KCTD1: variants seen among roughly 807,000 people sequenced by gnomAD.
KCTD1 encodes the protein BTB/POZ domain-containing protein KCTD1.
In KCTD1, 24 loss-of-function variants were observed where a neutral mutation model predicts 66.0. That is an observed-to-expected ratio of 0.36 (90% confidence interval 0.26 to 0.51). The LOEUF (loss-of-function observed/expected upper bound fraction) is 0.51. Among genes scored for constraint, KCTD1 ranks in the 20% least tolerant of loss-of-function variants. KCTD1 has a pLI of 0.95. For synonymous variants in KCTD1, 511 were observed against 517.2 expected (o/e 0.99, Z 0.16); for missense variants, 943 against 1,205.2 (o/e 0.78, Z 3.22).
chr18:26,573,579 GA>G (rs1392071888), intron 1 of KCTD1, among the ~76,000 whole-genome samples: 6 of 152,166 alleles, frequency 3.9e-5, no homozygotes, highest in Non-Finnish European at 8.8e-5. Context: ...GTTATCTCTG[GA>G]ATCACCATGA....
At position 26,543,892 on chromosome 18, in the gene KCTD1, T is replaced by G. The variant is rs111253379; in HGVS notation, c.1809+2836A>C. 590 of 152,362 alleles carry G rather than the reference T, an allele frequency of 3.9e-3. 5 individuals carry two copies. Among genetic ancestry groups the G allele is most frequent in the African/African-American group, 0.014 (569 of 41,586 alleles). The allele number at this position is 152,362 out of a possible 1,614,324, so 9.4% of individuals were successfully genotyped here. A position where few individuals can be genotyped will look rare whatever the true frequency, so the allele number is the denominator to read the frequency against. On this transcript the variant is annotated intron_variant, in intron 1 of 4. Coordinates refer to ENST00000580059, the MANE Select transcript of KCTD1 (RefSeq NM_001142730.3). ...ACATTCAGAATCTAAACTTTATTAG[T>G]ATTTTCTCCTCTGAGAATGATAAAG...
rs1170195861 is a variant in KCTD1 at position 26,537,670 on chromosome 18, AAC to A, written c.1809+9056_1809+9057del. Among the ~76,000 whole-genome samples, 11 of 152,392 alleles carry A rather than the reference AAC, an allele frequency of 7.2e-5. No individual in the cohort carries two copies. In the East Asian group the frequency reaches 2.1e-3, roughly 29 times the overall value. ...TGCATTAGGGAAACGTAAACATCATAACACAGGCTCTAGCCAAATATAGACCC... is the reference window on the plus strand; with the variant it reads ...TGCATTAGGGAAACGTAAACATCATAACAGGCTCTAGCCAAATATAGACCC... On this transcript the variant is annotated intron_variant, in intron 1 of 4. Coordinates refer to ENST00000580059, the MANE Select transcript of KCTD1 (RefSeq NM_001142730.3).
At chr18:26,656,955 G>A (rs1262739112) in intron 1 of KCTD1, among the ~76,000 whole-genome samples, 1 of 149,744 alleles carries the variant, frequency 6.7e-6, no homozygotes, top group Non-Finnish European at 1.5e-5. Flanking sequence ...GGAGGCTGGC[G>A]CGCGGAGCGG....
intron 3 of KCTD1, among the ~76,000 whole-genome samples, chr18:26,472,819 C>T (rs1981140703): frequency 6.6e-6 from 1 of 152,226 alleles, no homozygotes; most frequent in Non-Finnish European, 1.5e-5. Flanking sequence ...AGTCCTGGTT[C>T]TCTCCCTAGG....
At position 26,455,225 on chromosome 18, in the gene KCTD1, C is replaced by A. The variant is rs1979988696; in HGVS notation, c.*518G>T. The A allele has an allele frequency of 6.5e-6, 1 of 152,672 alleles. No individual in the cohort carries two copies. The highest frequency in any genetic ancestry group is 1.5e-5 in the Non-Finnish European group (1 of 68,168). The allele number at this position is 152,672 out of a possible 1,614,324, so 9.5% of individuals were successfully genotyped here. ...GTGCTCATGAGGGTTTTTCTGAAGT[C>A]CTGCCTGGTCCCTGCCTAAAGAAAG... On this transcript the variant is annotated 3_prime_UTR_variant, in exon 5 of 5. Coordinates refer to ENST00000580059, the MANE Select transcript of KCTD1 (RefSeq NM_001142730.3).
At chr18:26,574,696 A>G (rs1215550023) in intron 1 of KCTD1, among the ~76,000 whole-genome samples, 8 of 152,216 alleles carry the variant, frequency 5.3e-5, no homozygotes, top group Admixed American at 3.9e-4. Flanking sequence ...CTCACAATTG[A>G]TAAAGAGAAA....
At chr18:26,650,941 C>T (rs530022482) in intron 1 of KCTD1, among the ~76,000 whole-genome samples, 16 of 152,300 alleles carry the variant, frequency 1.1e-4, no homozygotes, top group South Asian at 6.2e-4. Flanking sequence ...GCGTTGGTGT[C>T]GGCAGCAAGG....
At position 26,455,544 on chromosome 18, in the gene KCTD1, T is replaced by A; in HGVS notation, c.*199A>T. 2.6e-6 allele frequency: 1 copy of A among 390,618 alleles called. No homozygotes were observed. Among genetic ancestry groups the A allele is most frequent in the East Asian group, 4.9e-5 (1 of 20,292 alleles). The allele number at this position is 390,618 out of a possible 1,614,324, so 24.2% of individuals were successfully genotyped here. A position where few individuals can be genotyped will look rare whatever the true frequency, so the allele number is the denominator to read the frequency against. ...TGACATATATATATATATTTATATA[T>A]TTTTTACACCTTGAGGATATCACTA... is the stretch of plus-strand genomic sequence containing the variant. On this transcript the variant is annotated 3_prime_UTR_variant, in exon 5 of 5. Transcript: ENST00000580059.
At chr18:26,549,220 G>A, upstream of KCTD1, 1 of 986,246 alleles carries the variant, frequency 1.0e-6, no homozygotes, top group East Asian at 1.1e-4. Context: ...TGGGGCTGGC[G>A]GCGGCGGCGG....
At chr18:26,588,268 C>G (rs535063012) in intron 1 of KCTD1, among the ~76,000 whole-genome samples, 1 of 128,972 alleles carries the variant, frequency 7.8e-6, no homozygotes, top group East Asian at 2.6e-4. Context: ...GTGTAAGACT[C>G]TGTAGAAAGA....
intron 1 of KCTD1, among the ~76,000 whole-genome samples, chr18:26,609,311 GCAT>G (rs1393286720): frequency 1.3e-5 from 2 of 152,306 alleles, no homozygotes; most frequent in East Asian, 3.9e-4. Flanking sequence ...TGGCATAAAT[GCAT>G]CATGGCCTAA....
intron 1 of KCTD1, among the ~76,000 whole-genome samples, chr18:26,606,604 A>G (rs1451599469): frequency 1.3e-5 from 2 of 152,210 alleles, no homozygotes; most frequent in African/African-American, 4.8e-5. Flanking sequence ...CGTCATTAGA[A>G]TAAGCCTGGC....
rs757587137 is a variant in KCTD1 at position 26,493,081 on chromosome 18, C to G, written c.1988+7991G>C. 6.0e-4 allele frequency among the ~76,000 whole-genome samples: 92 copies of G among 152,194 alleles called. 1 individual carries two copies. Among genetic ancestry groups the G allele is most frequent in the Non-Finnish European group, 1.2e-3 (79 of 68,026 alleles). On this transcript the variant is annotated intron_variant, in intron 2 of 4. Transcript: ENST00000580059. ...GGGATGCTACCAGGTCCCAAGGATA[C>G]AGGATGAAACCTCCCTTCCAGGGAG...
chr18:26,492,653 A>AAATG (rs59555077), intron 2 of KCTD1, among the ~76,000 whole-genome samples: 1 of 148,376 alleles, frequency 6.7e-6, no homozygotes, highest in Admixed American at 6.7e-5. Flanking sequence ...ATAAATAAAT[A>AAATG]GAACCATTGT....
At chr18:26,461,202 G>A (rs1980404964) in intron 3 of KCTD1, among the ~76,000 whole-genome samples, 2 of 152,220 alleles carry the variant, frequency 1.3e-5, no homozygotes, top group Admixed American at 1.3e-4. Flanking sequence ...AGCAGCAGCT[G>A]TAGCGGCATT....
At chr18:26,523,414 C>T (rs568921734) in intron 1 of KCTD1, among the ~76,000 whole-genome samples, 9 of 152,168 alleles carry the variant, frequency 5.9e-5, no homozygotes, top group African/African-American at 1.2e-4. Context: ...ATTTATAAAA[C>T]GTAGATAATA....
intron 1 of KCTD1, among the ~76,000 whole-genome samples, chr18:26,563,627 C>T (rs570200347): frequency 2.0e-5 from 3 of 152,292 alleles, no homozygotes; most frequent in East Asian, 3.9e-4. Flanking sequence ...AGTATAGTGG[C>T]GAGTGTATGG....
intron 1 of KCTD1, among the ~76,000 whole-genome samples, chr18:26,567,488 GTT>G (rs201110977): frequency 6.3e-4 from 71 of 112,750 alleles, no homozygotes; most frequent in Admixed American, 1.9e-3. Context: ...TGTTGTTGTT[GTT>G]TTTTTTTTTT....
intron 1 of KCTD1, among the ~76,000 whole-genome samples, chr18:26,613,112 G>A (rs541881140): frequency 6.6e-6 from 1 of 152,284 alleles, no homozygotes; most frequent in East Asian, 1.9e-4. Flanking sequence ...TGCATGACAG[G>A]AGTGCAATAC....
Sources: allele counts gnomAD v4.1 joint callset (sites outside exome capture counted in the v4.1 genomes callset), GRCh38; gene constraint gnomAD v4.1.1; transcripts MANE v1.5; gene names NCBI Gene and HGNC (gene_info 2026-07-23, HGNC 2026-07-21).